Variants in FARP1 observed in about 807,000 individuals in gnomAD.
FARP1 encodes the protein FERM, ARH/RhoGEF and pleckstrin domain protein 1.
A neutral mutation model predicts 128.8 loss-of-function variants in FARP1; 52 were observed. That is an observed-to-expected ratio of 0.40 (90% CI 0.32 to 0.51). The LOEUF is 0.51. Among genes scored for constraint, FARP1 ranks in the 20% least tolerant of loss-of-function variants. The pLI is 0.45. For missense variants in FARP1, 1,333 were observed against 1,367.9 expected, an observed-to-expected ratio of 0.97 and a Z score of 0.40; for synonymous variants, 580 against 551.8, an observed-to-expected ratio of 1.05 and a Z score of -0.72.
Position 98,177,189 on chromosome 13 carries a change from CTGGTCTGCT to C in FARP1, c.-24+33703_-24+33711del, listed in dbSNP as rs778324957. 46 of 1,591,580 alleles carry C rather than the reference CTGGTCTGCT, an allele frequency of 2.9e-5. No homozygotes were observed. In the Admixed American group the frequency reaches 7.9e-4, roughly 27 times the overall value. Reference sequence around the variant, plus strand: ...GCTTTTTGAAGAGGAAGGTGCATACCTGGTCTGCTTGGTCGGCCGTCCTTCCTGGAGAAG... The same window carrying C: ...GCTTTTTGAAGAGGAAGGTGCATACCTGGTCGGCCGTCCTTCCTGGAGAAG... On this transcript the variant is annotated intron_variant, in intron 1 of 26. Transcript: ENST00000319562.
At position 98,446,145 on chromosome 13, in the gene FARP1, G is replaced by T. The variant is rs1892821121; in HGVS notation, c.2844G>T (p.Gly948=). The T allele has an allele frequency of 6.2e-7, 1 of 1,614,114 alleles. No individual in the cohort carries two copies. The highest frequency in any genetic ancestry group is 1.7e-4 in the Middle Eastern group (1 of 6,060). ...TGAGGAAATTCAAAAACAGCAACGG[G>T]TGGCAGAAGCTGTGGGTGGTGTTCA... is the stretch of plus-strand genomic sequence containing the variant. ...NLLRKFKNSN[G]WQKLWVVFTN... is the part of the protein sequence containing the mutation. Residue 948 remains glycine (G), a synonymous_variant, in exon 25 of 27, where the codon GGG becomes GGT. Coordinates refer to ENST00000319562, the MANE Select transcript of FARP1 (RefSeq NM_005766.4).
intron 19 of FARP1, chr13:98,436,063 A>C (rs72652234): frequency 0.03 from 9,717 of 324,626 alleles, 227 homozygotes; most frequent in Non-Finnish European, 0.039. Flanking sequence ...AATAGTAATA[A>C]AGCCAGAAAG....
At chr13:98,306,454 C>T (rs573720800) in intron 2 of FARP1, among the ~76,000 whole-genome samples, 29 of 152,178 alleles carry the variant, frequency 1.9e-4, no homozygotes, top group African/African-American at 6.7e-4. Context: ...CAGTTACAAA[C>T]GACAAGACTT....
intron 3 of FARP1, among the ~76,000 whole-genome samples, chr13:98,359,995 G>A (rs1445068893): frequency 6.6e-6 from 1 of 152,038 alleles, no homozygotes; most frequent in Non-Finnish European, 1.5e-5. Flanking sequence ...TGGAAGAACA[G>A]TGCTACGGGC....
chr13:98,347,156 A>G (rs932788341), intron 3 of FARP1, among the ~76,000 whole-genome samples: 3 of 152,196 alleles, frequency 2.0e-5, no homozygotes, highest in African/African-American at 7.2e-5. Context: ...TTGCTTGACA[A>G]TGTCTCTTAG....
intron 16 of FARP1, among the ~76,000 whole-genome samples, chr13:98,419,483 T>TACACACACACACACACACACACAC (rs57751374): frequency 1.4e-5 from 2 of 139,956 alleles, no homozygotes; most frequent in African/African-American, 5.4e-5. Flanking sequence ...CAAAAAAAAA[T>TACACACACACACACACACACACAC]ACACACACAC....
chr13:98,214,825 A>G (rs1191287959), intron 2 of FARP1, among the ~76,000 whole-genome samples: 1 of 152,154 alleles, frequency 6.6e-6, no homozygotes, highest in Non-Finnish European at 1.5e-5. Flanking sequence ...TGTTGAGGAG[A>G]GCCCCTGCCA....
In FARP1 at chr13:98,452,063, A is replaced by G. The variant is rs535394873; in HGVS notation, c.*3746A>G. 219 of 152,354 alleles carry G rather than the reference A, an allele frequency of 1.4e-3. 1 individual carries two copies. The highest frequency in any genetic ancestry group is 2.0e-3 in the Non-Finnish European group (134 of 68,082). 9.4% of individuals were successfully genotyped at this position (152,354 alleles called of 1,614,324 possible). On this transcript the variant is annotated 3_prime_UTR_variant, in exon 27 of 27. Coordinates refer to ENST00000319562, the MANE Select transcript of FARP1 (RefSeq NM_005766.4). Reference sequence around the variant, plus strand: ...TCCCTGGAGTCTTCCAAAGTGTCTCATCACACACACACAGCCACGAGTACA... The same window carrying G: ...TCCCTGGAGTCTTCCAAAGTGTCTCGTCACACACACACAGCCACGAGTACA...
At chr13:98,214,220 G>A (rs184851696) in intron 2 of FARP1, among the ~76,000 whole-genome samples, 5 of 152,320 alleles carry the variant, frequency 3.3e-5, no homozygotes, top group Admixed American at 6.5e-5. Context: ...AGAAGCTGCC[G>A]CCTGCTTCGT....
At chr13:98,437,197 G>A (rs1404964134) in intron 19 of FARP1, among the ~76,000 whole-genome samples, 6 of 152,192 alleles carry the variant, frequency 3.9e-5, no homozygotes, top group Non-Finnish European at 8.8e-5. Context: ...AGAGCACAAC[G>A]GGAAGCATTT....
At chr13:98,371,211 G>C (rs1203920513) in intron 5 of FARP1, among the ~76,000 whole-genome samples, 2 of 114,232 alleles carry the variant, frequency 1.8e-5, no homozygotes, top group African/African-American at 3.3e-5. Flanking sequence ...CCTCACCCCC[G>C]CCCCCCGTTT....
intron 2 of FARP1, among the ~76,000 whole-genome samples, chr13:98,319,114 C>G (rs755771792): frequency 2.2e-4 from 34 of 151,712 alleles, no homozygotes; most frequent in Non-Finnish European, 4.3e-4. Flanking sequence ...AAGTGTGCAC[C>G]ACCAGCCCCG....
At chr13:98,421,466 G>T (rs1891590139) in intron 16 of FARP1, among the ~76,000 whole-genome samples, 1 of 152,138 alleles carries the variant, frequency 6.6e-6, no homozygotes, top group Admixed American at 6.5e-5. Flanking sequence ...ACTCTCACTA[G>T]AATATCTAAA....
At chr13:98,409,211 C>T (rs181901043) in intron 13 of FARP1, 127 bp from the exon 14 acceptor site, 28 of 683,086 alleles carry the variant, frequency 4.1e-5, no homozygotes, top group South Asian at 1.4e-4. Context: ...AATAAAGAAT[C>T]GCTTTAGGTT....
At chr13:98,208,075 A>G (rs1880403207) in intron 1 of FARP1, among the ~76,000 whole-genome samples, 1 of 152,106 alleles carries the variant, frequency 6.6e-6, no homozygotes, top group Non-Finnish European at 1.5e-5. Flanking sequence ...AAGGCTAATG[A>G]GTGAATGAAC....
intron 1 of FARP1, among the ~76,000 whole-genome samples, chr13:98,184,932 C>T (rs1165740495): frequency 1.3e-5 from 2 of 152,158 alleles, no homozygotes; most frequent in African/African-American, 4.8e-5. Flanking sequence ...AAAAACAAAA[C>T]TCTAATTCAT....
At chr13:98,347,224 C>T (rs1435448391) in intron 3 of FARP1, among the ~76,000 whole-genome samples, 1 of 152,214 alleles carries the variant, frequency 6.6e-6, no homozygotes, top group Non-Finnish European at 1.5e-5. Context: ...TTTATGGAAA[C>T]TTGTTACCAT....
chr13:98,169,377 C>T (rs1197763932), intron 1 of FARP1, among the ~76,000 whole-genome samples: 2 of 152,190 alleles, frequency 1.3e-5, no homozygotes, highest in Non-Finnish European at 2.9e-5. Context: ...CACATACACC[C>T]GTAGCTTTCT....
intron 16 of FARP1, among the ~76,000 whole-genome samples, chr13:98,422,466 G>C (rs987868817): frequency 7.9e-5 from 12 of 152,174 alleles, no homozygotes; most frequent in African/African-American, 2.4e-4. Context: ...CCAGCACACA[G>C]GGCAGCAACG....
Sources: gnomAD v4.1 joint callset for allele counts (sites outside exome capture counted in the v4.1 genomes callset) on GRCh38, gnomAD v4.1.1 for gene constraint, MANE v1.5 for transcripts, NCBI Gene and HGNC (gene_info 2026-07-23, HGNC 2026-07-21) for gene names.